Variants in AGL observed in about 807,000 individuals in gnomAD.
The protein encoded by AGL is amylo-alpha-1,6-glucosidase and 4-alpha-glucanotransferase, also known as glycogen debranching enzyme.
In AGL, 128 loss-of-function variants were observed where a neutral mutation model predicts 199.3. The ratio of observed to expected loss-of-function variants is 0.64; its 90% confidence interval spans 0.56 to 0.74. The LOEUF (loss-of-function observed/expected upper bound fraction) is 0.74. Among genes scored for constraint, AGL ranks in the 30% least tolerant of loss-of-function variants. The pLI, the probability that AGL is intolerant of heterozygous loss-of-function variation, is 0.00. For synonymous variants in AGL, 584 were observed against 594.7 expected (o/e 0.98, Z 0.26); for missense variants, 1,809 against 1,820.8 (o/e 0.99, Z 0.12).
chr1:99,921,391 G>A (rs1010355523), intron 33 of AGL, 143 bp from the exon 34 acceptor site: 1 of 685,034 alleles, frequency 1.5e-6, no homozygotes, highest in African/African-American at 1.8e-5. Context: ...TCATTTGTAT[G>A]TCTTTAGGAT....
rs1405365371 is a variant in AGL at position 99,921,830 on chromosome 1, C to T, written c.*179C>T. 2.4e-6 allele frequency: 1 copy of T among 414,504 alleles called. No homozygotes were observed. Among genetic ancestry groups the T allele is most frequent in the Non-Finnish European group, 4.3e-6 (1 of 234,430 alleles). The allele number at this position is 414,504 out of a possible 1,614,324, so 25.7% of individuals were successfully genotyped here. A position where few individuals can be genotyped will look rare whatever the true frequency, so the allele number is the denominator to read the frequency against. On this transcript the variant is annotated 3_prime_UTR_variant, in exon 34 of 34. Transcript: ENST00000361915. ...TTTTTTAATGTACAGAGGTAGATTTCAATTTGAATCAGAAAGAAATATCAT... is the reference window on the plus strand; with the variant it reads ...TTTTTTAATGTACAGAGGTAGATTTTAATTTGAATCAGAAAGAAATATCAT...
At chr1:99,868,509 G>A (rs1319018237) in intron 5 of AGL, among the ~76,000 whole-genome samples, 2 of 152,132 alleles carry the variant, frequency 1.3e-5, no homozygotes, top group African/African-American at 4.8e-5. Context: ...CTACTCCAGA[G>A]GCTGAGGCAG....
At position 99,870,479 on chromosome 1, in the gene AGL, G is replaced by T; in HGVS notation, c.744G>T (p.Trp248Cys). The T allele has an allele frequency of 6.2e-7, 1 of 1,613,936 alleles. No individual in the cohort carries two copies. The highest frequency in any genetic ancestry group is 8.5e-7 in the Non-Finnish European group (1 of 1,179,918). Residue 248 changes from tryptophan (W) to cysteine (C), a missense_variant, in exon 6 of 34, where the codon TGG becomes TGT. Trp to Cys is a radical substitution (Grantham distance 215). Coordinates refer to ENST00000361915, the MANE Select transcript of AGL (RefSeq NM_000642.3). ...ATTCTCCACACTTAAAACCTGCCTGGGTCTTAGACAGAGCACTTTGGCGTT... is the reference window on the plus strand; with the variant it reads ...ATTCTCCACACTTAAAACCTGCCTGTGTCTTAGACAGAGCACTTTGGCGTT... ...LVNSPHLKPA[W>C]VLDRALWRFS...
intron 2 of AGL, among the ~76,000 whole-genome samples, chr1:99,857,732 G>C (rs1281799546): frequency 6.6e-6 from 1 of 150,520 alleles, no homozygotes; most frequent in African/African-American, 2.4e-5. Context: ...GAATCAGGCA[G>C]GGAGGTTGCA....
chr1:99,857,847 A>AGAGGGAGACCGTGGGGAGGGGGAGGGGGT (rs1557743553), intron 2 of AGL, among the ~76,000 whole-genome samples: 18 of 8,242 alleles, frequency 2.2e-3, no homozygotes, highest in South Asian at 0.013. Flanking sequence ...GGGGAGGGGG[A>AGAGGGAGACCGTGGGGAGGGGGAGGGGGT]GGGGGGAAGA....
At chr1:99,902,502 T>A (rs1255847852) in intron 26 of AGL, among the ~76,000 whole-genome samples, 181 bp from the exon 27 acceptor site, 1 of 152,272 alleles carries the variant, frequency 6.6e-6, no homozygotes, top group Admixed American at 6.5e-5. Flanking sequence ...TGTTAAATAT[T>A]TGTATGCTCG....
rs187756093 is a variant in AGL, at chr1:99,872,837, C to A, written c.959-1850C>A. ...CCACCGCGCCCAGCCTTTTAAGTTA[C>A]ATTTCTTTGCTTATTAATGAAGTAT... On this transcript the variant is annotated intron_variant, in intron 7 of 33. Coordinates refer to ENST00000361915, the MANE Select transcript of AGL (RefSeq NM_000642.3). Among the ~76,000 whole-genome samples, 141 of 152,296 alleles carry A rather than the reference C, an allele frequency of 9.3e-4. No individual in the cohort carries two copies. The East Asian group carries it at 0.018, about 19-fold the overall frequency.
chr1:99,870,819 A>G lies in AGL; in HGVS notation c.908A>G (p.Gln303Arg). Residue 303 changes from glutamine to arginine, a missense_variant, in exon 7 of 34, where the codon CAA (glutamine) becomes CGA (arginine). Gln to Arg is a conservative substitution (Grantham distance 43, BLOSUM62 1). Coordinates refer to ENST00000361915, the MANE Select transcript of AGL (RefSeq NM_000642.3). The part of the protein sequence containing the change: ...FPKLKLWEFF[Q>R]VDVNKAVEQF... ...AAGCTTAAACTCTGGGAATTTTTCCAAGTAGATGTCAACAAAGCGGTTGAG... is the reference window on the plus strand; with the variant it reads ...AAGCTTAAACTCTGGGAATTTTTCCGAGTAGATGTCAACAAAGCGGTTGAG... 6.2e-7 allele frequency: 1 copy of G among 1,611,874 alleles called. No individual in the cohort carries two copies. The highest frequency in any genetic ancestry group is 8.5e-7 in the Non-Finnish European group (1 of 1,178,162).
In AGL at chr1:99,915,748, T is replaced by C. The variant is rs7555316; in HGVS notation, c.4259+262T>C. Among the ~76,000 whole-genome samples the C allele has an allele frequency of 0.38, 57,420 of 151,640 alleles. 11,925 individuals are homozygous for C. Among genetic ancestry groups the C allele is most frequent in the East Asian group, 0.56 (2,856 of 5,144 alleles). ...ATGGCACCACTGCACTCCAGCCTGCTTGACAGAATGAGACACTGTATTAAA... is the reference window on the plus strand; with the variant it reads ...ATGGCACCACTGCACTCCAGCCTGCCTGACAGAATGAGACACTGTATTAAA... On this transcript the variant is annotated intron_variant, in intron 31 of 33. Transcript: ENST00000361915.
chr1:99,886,925 A>G (rs1652499226), intron 20 of AGL, among the ~76,000 whole-genome samples: 1 of 152,198 alleles, frequency 6.6e-6, no homozygotes, highest in Non-Finnish European at 1.5e-5. Flanking sequence ...TGCTCAGATT[A>G]TTTTGGAGCA....
At position 99,898,522 on chromosome 1, in the gene AGL, G is replaced by T. The variant is rs927030743; in HGVS notation, c.3363-2114G>T. ...AGAGAATAATATATTATCCCAGAGG[G>T]TATTTGTTAGGGTAGTGCTAGCTGC... On this transcript the variant is annotated intron_variant, in intron 25 of 33. Coordinates refer to ENST00000361915, the MANE Select transcript of AGL (RefSeq NM_000642.3). Among the ~76,000 whole-genome samples the T allele has an allele frequency of 2.0e-5, 3 of 152,238 alleles. No individual in the cohort carries two copies. The East Asian group carries it at 5.8e-4, about 29-fold the overall frequency.
At chr1:99,872,998 T>A (rs1300090589) in intron 7 of AGL, among the ~76,000 whole-genome samples, 1 of 152,184 alleles carries the variant, frequency 6.6e-6, no homozygotes, top group East Asian at 1.9e-4. Flanking sequence ...ATATATCCCC[T>A]AGTATGCTCT....
chr1:99,899,524 C>CTCTCTT (rs1251869939), intron 25 of AGL, among the ~76,000 whole-genome samples: 1 of 135,610 alleles, frequency 7.4e-6, no homozygotes, highest in African/African-American at 2.9e-5. Flanking sequence ...CTCTCTCTCT[C>CTCTCTT]TCTCTTTCTC....
rs1652326021 is a variant in AGL, at chr1:99,884,785, C to G, written c.2681+82C>G. On this transcript the variant is annotated intron_variant, in intron 20 of 33. Transcript: ENST00000361915. The stretch of plus-strand genomic sequence containing the variant: ...ACTGAATTAAGCAGTTTTAAGGGTC[C>G]TCTATATCCTTGCTACTCAAAGTAC... 3.3e-6 allele frequency: 5 copies of G among 1,521,104 alleles called. No homozygotes were observed. The South Asian group carries it at 4.5e-5, about 14-fold the overall frequency. 94.2% of individuals were successfully genotyped at this position (1,521,104 alleles called of 1,614,324 possible). A position where few individuals can be genotyped will look rare whatever the true frequency, so the allele number is the denominator to read the frequency against.
intron 27 of AGL, among the ~76,000 whole-genome samples, chr1:99,908,599 A>G (rs1654502585): frequency 6.6e-6 from 1 of 152,184 alleles, no homozygotes; most frequent in South Asian, 2.1e-4. Context: ...TTTCTGTCAG[A>G]TACTTCCAAC....
At position 99,881,349 on chromosome 1, in the gene AGL, T is replaced by A. The variant is rs577533220; in HGVS notation, c.2059T>A (p.Ser687Thr). Residue 687 changes from serine (S) to threonine (T), a missense_variant, in exon 16 of 34, where the codon TCA becomes ACA. Ser to Thr is a moderately conservative substitution (Grantham distance 58). Transcript: ENST00000361915. ...YTKWNPEALP[S>T]NTGEVNFQSG... ...TAAGTGGAATCCTGAAGCATTGCCT[T>A]CAAACACAGGTGAAGTTAATTTCCA... is the stretch of plus-strand genomic sequence containing the variant. 2 of 1,614,122 alleles carry A rather than the reference T, an allele frequency of 1.2e-6. No homozygotes were observed. Among genetic ancestry groups the A allele is most frequent in the Non-Finnish European group, 1.7e-6 (2 of 1,180,004 alleles).
intron 27 of AGL, among the ~76,000 whole-genome samples, chr1:99,906,388 G>A (rs955508781): frequency 1.4e-4 from 22 of 152,236 alleles, no homozygotes; most frequent in Admixed American, 9.2e-4. Context: ...GTGATAAAAA[G>A]CATGTAACGT....
chr1:99,857,704 C>G (rs1003184349), intron 2 of AGL, among the ~76,000 whole-genome samples: 1 of 141,422 alleles, frequency 7.1e-6, no homozygotes, highest in Non-Finnish European at 1.6e-5. Context: ...CGCAGGCACT[C>G]GGCAGGCTGA....
intron 2 of AGL, among the ~76,000 whole-genome samples, chr1:99,851,524 G>T (rs902896667): frequency 5.9e-5 from 9 of 152,174 alleles, no homozygotes; most frequent in Non-Finnish European, 1.2e-4. Context: ...CTTTTCCTTT[G>T]TTGAACCTTT....
Sources: gnomAD v4.1 joint callset for allele counts (sites outside exome capture counted in the v4.1 genomes callset) on GRCh38, gnomAD v4.1.1 for gene constraint, MANE v1.5 for transcripts, NCBI Gene and HGNC (gene_info 2026-07-23, HGNC 2026-07-21) for gene names.